The following LMTK3 variants were observed in gnomAD, a reference collection of about 807,000 sequenced individuals.
LMTK3 encodes serine/threonine-protein kinase LMTK3.
A neutral mutation model predicts 116.7 loss-of-function variants in LMTK3; 27 were observed. The ratio of observed to expected loss-of-function variants is 0.23; its 90% CI spans 0.17 to 0.32. The LOEUF is 0.32. Ranked by LOEUF, LMTK3 falls within the 10% of genes least tolerant of loss-of-function variation. The pLI is 1.00. For synonymous variants in LMTK3, 965 were observed against 971.0 expected (o/e 0.99, Z 0.11); for missense variants, 1,764 against 2,068.5 (o/e 0.85, Z 2.86).
At position 48,498,155 on chromosome 19, in the gene LMTK3, TCTC is replaced by T. The variant is rs764833476; in HGVS notation, c.2911_2913del (p.Glu971del). The T allele has an allele frequency of 6.2e-7, 1 of 1,613,354 alleles. No individual in the cohort carries two copies. Among genetic ancestry groups the T allele is most frequent in the Non-Finnish European group, 8.5e-7 (1 of 1,179,724 alleles). ...CTCAGCTCCCCATTCTCCAGCGCTT[TCTC>T]CTCCCTCCTTGGGGGTGTCAGCTCC... On this transcript the variant is annotated inframe_deletion, in exon 11 of 15. Coordinates refer to ENST00000600059, the MANE Select transcript of LMTK3 (RefSeq NM_001388485.1).
intron 14 of LMTK3, 39 bp from the exon 15 acceptor site, chr19:48,485,828 A>AGG: frequency 6.3e-7 from 1 of 1,593,206 alleles, no homozygotes; most frequent in Non-Finnish European, 8.5e-7. Flanking sequence ...TGAAATTACT[A>AGG]GGGGGACAGC....
intron 4 of LMTK3, 74 bp downstream of exon 4, chr19:48,509,363 C>A: frequency 7.4e-7 from 1 of 1,356,046 alleles, no homozygotes; most frequent in Non-Finnish European, 1.0e-6. Context: ...GTGGTGAGAG[C>A]AGGGGTGTGG....
At chr19:48,496,184 AC>A (rs1194255541) in intron 11 of LMTK3, among the ~76,000 whole-genome samples, 1 of 151,964 alleles carries the variant, frequency 6.6e-6, no homozygotes. Context: ...ATCTCGGCTC[AC>A]TGCAATCTCT....
At chr19:48,496,695 T>C (rs999272705) in intron 11 of LMTK3, among the ~76,000 whole-genome samples, 6 of 152,000 alleles carry the variant, frequency 3.9e-5, no homozygotes, top group African/African-American at 1.5e-4. Flanking sequence ...GTGATCCTCC[T>C]GCCTCAGCCT....
chr19:48,487,357 A>T (rs1439419469), intron 14 of LMTK3, among the ~76,000 whole-genome samples: 1 of 151,830 alleles, frequency 6.6e-6, no homozygotes, highest in African/African-American at 2.4e-5. Context: ...TGTATTTTTC[A>T]TACAGACGGG....
intron 14 of LMTK3, among the ~76,000 whole-genome samples, chr19:48,487,993 T>C (rs929815458): frequency 6.6e-6 from 1 of 152,152 alleles, no homozygotes; most frequent in African/African-American, 2.4e-5. Context: ...CACCATGGTC[T>C]TGGGAGCCAG....
rs556491743 is a variant in LMTK3, at chr19:48,497,439, T to C, written c.3630A>G (p.Leu1210=). The change falls in exon 11 of 15, where the codon CTA becomes CTG. Residue 1210 remains leucine (L), a synonymous_variant. Coordinates refer to ENST00000600059, the MANE Select transcript of LMTK3 (RefSeq NM_001388485.1). This position sits in a 1 kb window ranked among gnomAD's most constrained non-coding sequence, Gnocchi z 5.7. ...CCTGAGGGGGTCCCAAGTCCAAGAA[T>C]AGTCGTGGCATCTCGGGGCCCTTCC... ...PERKGPEMPR[L]FLDLGPPQGN... 109 of 1,537,220 alleles carry C rather than the reference T, an allele frequency of 7.1e-5. 1 individual carries two copies. Among genetic ancestry groups the C allele is most frequent in the Non-Finnish European group, 9.3e-5 (107 of 1,145,552 alleles).
At chr19:48,501,961 G>GGTT (rs1972475743) in intron 7 of LMTK3, among the ~76,000 whole-genome samples, 2 of 36,936 alleles carry the variant, frequency 5.4e-5, no homozygotes, top group Non-Finnish European at 5.0e-5. Context: ...CCCCTCCCCT[G>GGTT]CCCCCCTCCC....
rs774162511 is a variant in LMTK3 at position 48,510,571 on chromosome 19, G to A, written c.98C>T (p.Ala33Val). Residue 33 changes from alanine (A) to valine (V), a missense_variant, in exon 2 of 15, where the codon GCT becomes GTT. Around this residue, in one of 7 missense-constraint regions of LMTK3, gnomAD observed 66 missense variants for 61.1 expected, o/e 1.08. Transcript: ENST00000600059. ...AHPDGFALGR[A>V]PLAPPYAVVL... is the part of the protein sequence containing the mutation. Reference sequence around the variant, plus strand: ...CACAGCGTAGGGAGGAGCCAGAGGAGCCCGGCCCAGGGCGAATCCATCTGT... The same window carrying A: ...CACAGCGTAGGGAGGAGCCAGAGGAACCCGGCCCAGGGCGAATCCATCTGT... The A allele has an allele frequency of 6.3e-7, 1 of 1,592,842 alleles. No individual in the cohort carries two copies. The highest frequency in any genetic ancestry group is 8.5e-7 in the Non-Finnish European group (1 of 1,171,150).
At chr19:48,496,397 C>T (rs1351559787) in intron 11 of LMTK3, among the ~76,000 whole-genome samples, 2 of 151,650 alleles carry the variant, frequency 1.3e-5, no homozygotes, top group Non-Finnish European at 2.9e-5. Context: ...CTCCTGGCTT[C>T]AAACGATTCT....
In LMTK3 at chr19:48,500,890, A is replaced by T; in HGVS notation, c.1151+106T>A. On this transcript the variant is annotated intron_variant, in intron 10 of 14. Coordinates refer to ENST00000600059, the MANE Select transcript of LMTK3 (RefSeq NM_001388485.1). The surrounding 1 kb of genome is among the most constrained non-coding windows in gnomAD (Gnocchi z 4.0). Reference sequence around the variant, plus strand: ...CAGCCCCTCTTCACTCTTGAGGGGTATGGAGGGCAAACGGGATGTGGGTGA... The same window carrying T: ...CAGCCCCTCTTCACTCTTGAGGGGTTTGGAGGGCAAACGGGATGTGGGTGA... 8.7e-7 allele frequency: 1 copy of T among 1,151,182 alleles called. No individual in the cohort carries two copies. Among genetic ancestry groups the T allele is most frequent in the Non-Finnish European group, 1.2e-6 (1 of 838,490 alleles). The allele number at this position is 1,151,182 out of a possible 1,614,324, so 71.3% of individuals were successfully genotyped here. A position where few individuals can be genotyped will look rare whatever the true frequency, so the allele number is the denominator to read the frequency against.
chr19:48,488,045 T>G (rs535346505), intron 14 of LMTK3, among the ~76,000 whole-genome samples: 229 of 152,198 alleles, frequency 1.5e-3, no homozygotes, highest in Non-Finnish European at 2.6e-3. Flanking sequence ...GCAGGAATAT[T>G]TGTCAACTGA....
rs1972400526 is a variant in LMTK3, at chr19:48,498,937, C to T, written c.2132G>A (p.Arg711Gln). The T allele has an allele frequency of 3.1e-6, 4 of 1,281,476 alleles. No individual in the cohort carries two copies. The highest frequency in any genetic ancestry group is 2.6e-5 in the South Asian group (1 of 37,934). 79.4% of individuals were successfully genotyped at this position (1,281,476 alleles called of 1,614,324 possible). A position where few individuals can be genotyped will look rare whatever the true frequency, so the allele number is the denominator to read the frequency against. Residue 711 changes from arginine (R) to glutamine (Q), a missense_variant, in exon 11 of 15, where the codon CGG becomes CAG. Coordinates refer to ENST00000600059, the MANE Select transcript of LMTK3 (RefSeq NM_001388485.1). ...PHPPEDDSSLRAERGSLADLP... is the reference protein window; with the variant it reads ...PHPPEDDSSLQAERGSLADLP... ...GTCGGCCAGGGAGCCCCGCTCTGCC[C>T]GCAGCGAGGAGTCGTCCTCGGGGGG...
At chr19:48,502,700 T>C (rs1972494628) in intron 6 of LMTK3, 119 bp from the exon 7 acceptor site, 2 of 1,244,366 alleles carry the variant, frequency 1.6e-6, no homozygotes, top group East Asian at 2.6e-5. Context: ...TAGTTTCCTC[T>C]GCTGCTTGCA....
intron 11 of LMTK3, among the ~76,000 whole-genome samples, chr19:48,495,014 T>TG (rs1972301241): frequency 1.3e-5 from 2 of 149,522 alleles, no homozygotes; most frequent in African/African-American, 2.5e-5. Context: ...GTGTTTTTTT[T>TG]GTTTTTTTTT....
intron 3 of LMTK3, among the ~76,000 whole-genome samples, 155 bp downstream of exon 3, chr19:48,509,868 C>T (rs1163025359): frequency 6.6e-6 from 1 of 152,160 alleles, no homozygotes; most frequent in African/African-American, 2.4e-5. Context: ...GTCTGCCTCC[C>T]CATAGGCTGC....
At chr19:48,487,763 A>T (rs1177528122) in intron 14 of LMTK3, among the ~76,000 whole-genome samples, 1 of 152,024 alleles carries the variant, frequency 6.6e-6, no homozygotes, top group Non-Finnish European at 1.5e-5. Flanking sequence ...AGGCTCCCTC[A>T]TGCTCCACCC....
chr19:48,504,276 C>G (rs1009376145), intron 5 of LMTK3, among the ~76,000 whole-genome samples: 9 of 152,204 alleles, frequency 5.9e-5, no homozygotes, highest in African/African-American at 1.9e-4. Flanking sequence ...TGCTGCCCCC[C>G]CAATGCCAGG....
rs1972274054 is a variant in LMTK3, at chr19:48,493,850, G to C, written c.3936C>G (p.Pro1312=). ...CCGCGTCGGCGCTGCTCACCACGAC[G>C]GGCACCGGGGCTGCTCGCGCCCTCC... The part of the protein sequence containing the change: ...GPGRARAAPV[P]VVVSSADADA... Residue 1312 remains proline, a synonymous_variant, in exon 12 of 15, where the codon CCC becomes CCG. Coordinates refer to ENST00000600059, the MANE Select transcript of LMTK3 (RefSeq NM_001388485.1). The C allele has an allele frequency of 1.6e-6, 2 of 1,289,384 alleles. No individual in the cohort carries two copies. The highest frequency in any genetic ancestry group is 4.6e-5 in the South Asian group (2 of 43,048). The allele number at this position is 1,289,384 out of a possible 1,614,324, so 79.9% of individuals were successfully genotyped here.
Sources: allele counts gnomAD v4.1 joint callset (sites outside exome capture counted in the v4.1 genomes callset), GRCh38; gene constraint gnomAD v4.1.1; regional missense constraint gnomAD v4.1.1; non-coding constraint Gnocchi (gnomAD v3.1); transcripts MANE v1.5; gene names NCBI Gene and HGNC (gene_info 2026-07-23, HGNC 2026-07-21).